SPATA19: variants seen among roughly 807,000 people sequenced by gnomAD.
The protein encoded by SPATA19 is spermatogenesis-associated protein 19, mitochondrial.
SPATA19 carries 19 observed loss-of-function variants against 25.0 expected under a neutral mutation model. That is an observed-to-expected ratio of 0.76 (90% CI 0.53 to 1.11). The LOEUF is 1.11. Among genes scored for constraint, SPATA19 ranks in the 50% most tolerant of loss-of-function variants. SPATA19 has a pLI of 0.00. For missense variants in SPATA19, 222 were observed against 211.4 expected (o/e 1.05, Z -0.31); for synonymous variants, 64 against 69.3 (o/e 0.92, Z 0.38).
In SPATA19 at chr11:133,841,555, C is replaced by T. The variant is rs1049388413; in HGVS notation, c.*9+475G>A. Among the ~76,000 whole-genome samples the T allele has an allele frequency of 6.6e-5, 10 of 152,154 alleles. 1 individual carries two copies. The highest frequency in any genetic ancestry group is 1.9e-4 in the East Asian group (1 of 5,184). Reference sequence around the variant, plus strand: ...TCATAAACAGCCCCCGTGTGACCACCGGGCCAAGCACAAGGCAAGTGGCCA... The same window carrying T: ...TCATAAACAGCCCCCGTGTGACCACTGGGCCAAGCACAAGGCAAGTGGCCA... On this transcript the variant is annotated intron_variant, in intron 6 of 6. Coordinates refer to ENST00000299140, the MANE Select transcript of SPATA19 (RefSeq NM_174927.3).
chr11:133,841,272 C>G (rs1419938219), intron 6 of SPATA19, among the ~76,000 whole-genome samples: 1 of 152,214 alleles, frequency 6.6e-6, no homozygotes, highest in Non-Finnish European at 1.5e-5. Flanking sequence ...ACAACGCCCT[C>G]TCTTAAGGTT....
rs373492093 is a variant in SPATA19 at position 133,844,654 on chromosome 11, A to G, written c.136-14T>C. ...CTCTTCTTCTGTCTGAAAGGTGAGAAATTCCCTCTGAAAATGTCACTCTGC... is the reference window on the plus strand; with the variant it reads ...CTCTTCTTCTGTCTGAAAGGTGAGAGATTCCCTCTGAAAATGTCACTCTGC... On this transcript the variant is annotated splice_polypyrimidine_tract_variant and intron_variant, in intron 2 of 6. Transcript: ENST00000299140. 475 of 1,577,728 alleles carry G rather than the reference A, an allele frequency of 3.0e-4. 6 individuals are homozygous for G. The South Asian group carries it at 3.5e-3, about 12-fold the overall frequency.
At position 133,840,837 on chromosome 11, in the gene SPATA19, C is replaced by T. The variant is rs1938288403; in HGVS notation, c.*96G>A. ...GGGAGGTAGAGAAATGCCCAGGGGA[C>T]ACAGCAGGGAGATGTGGTTGGCCAA... On this transcript the variant is annotated 3_prime_UTR_variant, in exon 7 of 7. Coordinates refer to ENST00000299140, the MANE Select transcript of SPATA19 (RefSeq NM_174927.3). 1 of 152,142 alleles carries T rather than the reference C, an allele frequency of 6.6e-6. No individual in the cohort carries two copies. Among genetic ancestry groups the T allele is most frequent in the South Asian group, 2.1e-4 (1 of 4,814 alleles). 9.4% of individuals were successfully genotyped at this position (152,142 alleles called of 1,614,324 possible).
At chr11:133,837,056 A>G (rs1938225418), downstream of SPATA19, among the ~76,000 whole-genome samples, 1 of 152,248 alleles carries the variant, frequency 6.6e-6, no homozygotes, top group Admixed American at 6.5e-5. Context: ...GAAAGTGCTC[A>G]GCGAACATCA....
chr11:133,838,756 GGAGAAAATTTTCGCAACCTACTCATCT>G (rs1298705885), downstream of SPATA19, among the ~76,000 whole-genome samples: 1 of 152,050 alleles, frequency 6.6e-6, no homozygotes, highest in Non-Finnish European at 1.5e-5. Context: ...CTACAAAATG[GGAGAAAATTTTCGCAACCTACTCATCT>G]GACAAAGGGC....
chr11:133,839,814 T>C (rs922439252), downstream of SPATA19, among the ~76,000 whole-genome samples: 5 of 152,002 alleles, frequency 3.3e-5, no homozygotes, highest in African/African-American at 1.2e-4. Flanking sequence ...AGGTGTCACA[T>C]ATGTGTAACG....
At chr11:133,844,010 A>G (rs902881313) in intron 4 of SPATA19, among the ~76,000 whole-genome samples, 5 of 152,242 alleles carry the variant, frequency 3.3e-5, no homozygotes, top group Admixed American at 2.6e-4. Context: ...ATTCAGAAGC[A>G]TTTAAGAAAT....
rs762026994 is a variant in SPATA19 at position 133,842,055 on chromosome 11, G to A, written c.488C>T (p.Ser163Phe). The A allele has an allele frequency of 9.9e-6, 16 of 1,613,994 alleles. No homozygotes were observed. Among genetic ancestry groups the A allele is most frequent in the Non-Finnish European group, 1.3e-5 (15 of 1,180,008 alleles). ...CTGTTGCTCTCAGCAGTCTGAGGAG[G>A]AGGGTCTCATACTGAAGTCCTGAGC... ...VSAQDFSMRPSSSDC is the reference protein window; with the variant it reads ...VSAQDFSMRPFSSDC The change falls in exon 6 of 7, where the codon TCC becomes TTC. Residue 163 changes from serine to phenylalanine, a missense_variant. Physicochemically the swap from Ser to Phe is radical, Grantham distance 155. Coordinates refer to ENST00000299140, the MANE Select transcript of SPATA19 (RefSeq NM_174927.3).
intron 4 of SPATA19, among the ~76,000 whole-genome samples, chr11:133,843,126 G>C (rs917113954): frequency 1.2e-4 from 18 of 152,160 alleles, no homozygotes; most frequent in Admixed American, 1.0e-3. Context: ...TAAAATCTTT[G>C]TAGAAAATCC....
rs1314973195 is a variant in SPATA19, at chr11:133,842,521, T to C, written c.401A>G (p.Asp134Gly). The change falls in exon 5 of 7, where the codon GAC becomes GGC. Residue 134 changes from aspartate (D) to glycine (G), a missense_variant. Asp to Gly is a moderately conservative substitution (Grantham distance 94, BLOSUM62 -1). Coordinates refer to ENST00000299140, the MANE Select transcript of SPATA19 (RefSeq NM_174927.3). ...IFQVPSEMTE[D>G]IMRDRIEQVR... ...CTGCTCTATTCGATCTCGCATGATG[T>C]CCTCTGTCATCTCACTTGGCACTTG... 6 of 1,614,070 alleles carry C rather than the reference T, an allele frequency of 3.7e-6. No individual in the cohort carries two copies. Among genetic ancestry groups the C allele is most frequent in the Non-Finnish European group, 5.1e-6 (6 of 1,179,986 alleles).
At chr11:133,842,717 A>G (rs895259678) in intron 4 of SPATA19, among the ~76,000 whole-genome samples, 155 bp from the exon 5 acceptor site, 1 of 152,170 alleles carries the variant, frequency 6.6e-6, no homozygotes, top group Admixed American at 6.5e-5. Flanking sequence ...ACTCATGAGC[A>G]CAAAGCTTTT....
chr11:133,844,420 C>A, intron 3 of SPATA19, 83 bp from the exon 4 acceptor site: 1 of 1,611,784 alleles, frequency 6.2e-7, no homozygotes, highest in Non-Finnish European at 8.5e-7. Context: ...GAGCACCTCA[C>A]CCTTGCCCAG....
At position 133,844,305 on chromosome 11, in the gene SPATA19, C is replaced by G; in HGVS notation, c.300G>C (p.Leu100Phe). The G allele has an allele frequency of 6.2e-7, 1 of 1,614,132 alleles. No homozygotes were observed. The highest frequency in any genetic ancestry group is 8.5e-7 in the Non-Finnish European group (1 of 1,180,024). Reference protein sequence around the residue: ...VKHHLSKSDLLANQSQEVLEE... With the variant: ...VKHHLSKSDLFANQSQEVLEE... ...CTAGGACCTCTTGGCTCTGGTTTGCCAACAAATCAGACTTAGAGAGGTGGT... is the reference window on the plus strand; with the variant it reads ...CTAGGACCTCTTGGCTCTGGTTTGCGAACAAATCAGACTTAGAGAGGTGGT... Residue 100 changes from leucine (L) to phenylalanine (F), a missense_variant, in exon 4 of 7, where the codon TTG (leucine) becomes TTC (phenylalanine). Physicochemically the swap from Leu to Phe is conservative, Grantham distance 22. Transcript: ENST00000299140.
At chr11:133,845,089 C>T (rs754416568) in intron 2 of SPATA19, 45 bp downstream of exon 2, 1 of 1,564,044 alleles carries the variant, frequency 6.4e-7, no homozygotes, top group South Asian at 1.1e-5. Flanking sequence ...GAGACCACTT[C>T]TCTAGCATTT....
At position 133,842,057 on chromosome 11, in the gene SPATA19, G is replaced by A. The variant is rs576901675; in HGVS notation, c.486C>T (p.Pro162=). ...DVSAQDFSMR[P]SSSDC ...GTTGCTCTCAGCAGTCTGAGGAGGA[G>A]GGTCTCATACTGAAGTCCTGAGCTG... is the stretch of plus-strand genomic sequence containing the variant. Residue 162 remains proline (P), a synonymous_variant, in exon 6 of 7, where the codon CCC becomes CCT. Transcript: ENST00000299140. 5 of 1,614,118 alleles carry A rather than the reference G, an allele frequency of 3.1e-6. No homozygotes were observed. The highest frequency in any genetic ancestry group is 3.3e-5 in the Admixed American group (2 of 60,034).
intron 2 of SPATA19, 91 bp from the exon 3 acceptor site, chr11:133,844,731 T>A (rs1248093738): frequency 5.7e-6 from 8 of 1,402,136 alleles, no homozygotes; most frequent in Non-Finnish European, 7.7e-6. Flanking sequence ...TCATTCTCCA[T>A]CACAACTCAC....
At chr11:133,844,692 G>T in intron 2 of SPATA19, 52 bp from the exon 3 acceptor site, 1 of 1,541,244 alleles carries the variant, frequency 6.5e-7, no homozygotes. Context: ...CCAACCCTGG[G>T]TCTTCTTCTC....
downstream of SPATA19, among the ~76,000 whole-genome samples, chr11:133,835,971 G>A (rs921603741): frequency 2.6e-5 from 4 of 152,062 alleles, no homozygotes; most frequent in Non-Finnish European, 5.9e-5. Context: ...CTCTGCCGCC[G>A]TCCTTTGGCA....
chr11:133,841,360 G>A (rs530305453), intron 6 of SPATA19, among the ~76,000 whole-genome samples: 32 of 152,296 alleles, frequency 2.1e-4, no homozygotes, highest in Admixed American at 7.8e-4. Flanking sequence ...GATAAATGCC[G>A]GTACTGCTCT....
Sources: allele counts gnomAD v4.1 joint callset (sites outside exome capture counted in the v4.1 genomes callset), GRCh38; gene constraint gnomAD v4.1.1; transcripts MANE v1.5; gene names NCBI Gene and HGNC (gene_info 2026-07-23, HGNC 2026-07-21).